Variants in FMN1 observed in about 807,000 individuals in gnomAD.
FMN1 encodes formin 1, also known as formin-1.
Under a neutral mutation model 132.4 loss-of-function variants are expected in FMN1, and 110 were observed. The observed-to-expected ratio is 0.83, with a 90% CI of 0.71 to 0.97. The LOEUF is 0.97. Ranked by LOEUF, FMN1 falls within the 50% of genes least tolerant of loss-of-function variation. The pLI is 0.00. For synonymous variants in FMN1, 722 were observed against 651.7 expected (o/e 1.11, Z -1.64); for missense variants, 1,792 against 1,705.3 (o/e 1.05, Z -0.90).
chr15:32,904,029 A>C (rs1334026287), intron 12 of FMN1, among the ~76,000 whole-genome samples: 1 of 152,254 alleles, frequency 6.6e-6, no homozygotes, highest in Non-Finnish European at 1.5e-5. Context: ...TCTGTCCTTT[A>C]GGAATGTATG....
chr15:32,813,236 G>A (rs1012942279), intron 17 of FMN1, among the ~76,000 whole-genome samples: 7 of 152,116 alleles, frequency 4.6e-5, no homozygotes, highest in Non-Finnish European at 1.0e-4. Flanking sequence ...AATCCTCCAC[G>A]GATACTGAGG....
chr15:33,109,095 G>T (rs1021901751), intron 4 of FMN1, among the ~76,000 whole-genome samples: 1 of 152,086 alleles, frequency 6.6e-6, no homozygotes, highest in Non-Finnish European at 1.5e-5. Context: ...CCAAAAGCAA[G>T]GAAGGCATAA....
intron 18 of FMN1, among the ~76,000 whole-genome samples, chr15:32,800,630 C>T (rs1052875826): frequency 1.3e-5 from 2 of 152,196 alleles, no homozygotes; most frequent in Non-Finnish European, 2.9e-5. Context: ...AAGGAATTTA[C>T]AGGATGACTT....
intron 17 of FMN1, among the ~76,000 whole-genome samples, chr15:32,854,641 A>C (rs60595307): frequency 2.0e-5 from 3 of 151,932 alleles, no homozygotes; most frequent in African/African-American, 7.3e-5. Context: ...GGCCGGGCAC[A>C]GTGGCTCACG....
chr15:33,074,277 A>G (rs1429630059), intron 5 of FMN1, among the ~76,000 whole-genome samples: 1 of 152,208 alleles, frequency 6.6e-6, no homozygotes, highest in Non-Finnish European at 1.5e-5. Context: ...TACCTAATTC[A>G]CAGGAATATA....
At chr15:33,062,867 A>T (rs996471597) in intron 6 of FMN1, 1 of 152,334 alleles carries the variant, frequency 6.6e-6, no homozygotes. Flanking sequence ...AATCCCTCAC[A>T]TTAAAATGAA....
At chr15:32,827,446 A>C (rs1027974963) in intron 17 of FMN1, among the ~76,000 whole-genome samples, 1 of 152,256 alleles carries the variant, frequency 6.6e-6, no homozygotes, top group East Asian at 1.9e-4. Flanking sequence ...GATGAAAATC[A>C]TAACATATAA....
chr15:32,849,227 G>A (rs1234488483), intron 17 of FMN1, among the ~76,000 whole-genome samples: 2 of 150,666 alleles, frequency 1.3e-5, no homozygotes, highest in African/African-American at 2.4e-5. Context: ...TCCTGACCTC[G>A]TGATCTGCCC....
intron 19 of FMN1, among the ~76,000 whole-genome samples, chr15:32,794,899 C>T (rs1300228242): frequency 6.6e-6 from 1 of 152,162 alleles, no homozygotes; most frequent in Non-Finnish European, 1.5e-5. Flanking sequence ...ACGTGATCTT[C>T]AAGAACAACA....
At chr15:32,921,733 G>A (rs1214992136) in intron 10 of FMN1, among the ~76,000 whole-genome samples, 10 of 148,866 alleles carry the variant, frequency 6.7e-5, no homozygotes, top group Admixed American at 5.4e-4. Flanking sequence ...CTGGAGTACA[G>A]TGGCGTGATC....
Position 32,968,808 on chromosome 15 carries a change from A to C in FMN1, c.2893T>G (p.Ser965Ala). Residue 965 changes from serine (S) to alanine (A), a missense_variant, in exon 8 of 21, where the codon TCT becomes GCT. Ser to Ala is a moderately conservative substitution (Grantham distance 99, BLOSUM62 1). Around this residue, in one of 3 missense-constraint regions of FMN1, gnomAD observed 1,150 missense variants for 1,043.1 expected, o/e 1.10. Coordinates refer to ENST00000616417, the MANE Select transcript of FMN1 (RefSeq NM_001277313.2). The part of the protein sequence containing the change: ...PPPGLFFGLG[S>A]SSSQCPRKPA... ...TTTCGAGGACATTGACTGGAAGAAG[A>C]GCCAAGTCCAAAGAAGAGTCCAGGG... 1 of 1,607,464 alleles carries C rather than the reference A, an allele frequency of 6.2e-7. No individual in the cohort carries two copies. The highest frequency in any genetic ancestry group is 8.5e-7 in the Non-Finnish European group (1 of 1,177,822).
chr15:33,188,109 C>A (rs1566972544), intron 2 of FMN1, among the ~76,000 whole-genome samples: 1 of 151,668 alleles, frequency 6.6e-6, no homozygotes, highest in Non-Finnish European at 1.5e-5. Context: ...CCGAGGCGGG[C>A]AGATCACAAG....
At chr15:33,000,550 G>A (rs373916898) in intron 7 of FMN1, among the ~76,000 whole-genome samples, 1 of 152,044 alleles carries the variant, frequency 6.6e-6, no homozygotes, top group East Asian at 1.9e-4. Flanking sequence ...AGAGGCTGAG[G>A]TGGGCAGATG....
intron 10 of FMN1, among the ~76,000 whole-genome samples, chr15:32,924,087 C>G (rs975830726): frequency 2.0e-5 from 3 of 152,192 alleles, no homozygotes; most frequent in Non-Finnish European, 2.9e-5. Context: ...TCCCTCTGCT[C>G]TAACATCACA....
rs201674042 is a variant in FMN1 at position 32,774,325 on chromosome 15, A to C, written c.4245T>G (p.Ser1415Arg). ...LKERLRQKEA[S>R]VTTN ...TGTCTTCATCTTAGTTAGTGGTCAC[A>C]CTGGCTTCCTTCTGACGCAGTCTTT... The change falls in exon 21 of 21, where the codon AGT (serine) becomes AGG (arginine). Residue 1415 changes from serine (S) to arginine (R), a missense_variant. Physicochemically the swap from Ser to Arg is moderately radical, Grantham distance 110 (BLOSUM62 -1). This residue lies in a region of FMN1 where 1,150 missense variants were observed against 1,043.1 expected (regional missense o/e 1.10). Transcript: ENST00000616417. The C allele has an allele frequency of 5.5e-5, 89 of 1,604,606 alleles. 1 individual carries two copies. The Admixed American group carries it at 1.5e-3, about 27-fold the overall frequency.
At chr15:33,151,081 G>C in intron 4 of FMN1, 1 of 1,318,892 alleles carries the variant, frequency 7.6e-7, no homozygotes. Context: ...GACTCACAGC[G>C]ACAGGAAAGG....
At chr15:33,088,167 C>A (rs765452536) in intron 5 of FMN1, among the ~76,000 whole-genome samples, 1 of 151,952 alleles carries the variant, frequency 6.6e-6, no homozygotes, top group Non-Finnish European at 1.5e-5. Context: ...AGAACTTATT[C>A]ATGTAACCAA....
intron 6 of FMN1, among the ~76,000 whole-genome samples, chr15:33,045,774 A>T (rs2141143536): frequency 6.6e-6 from 1 of 152,244 alleles, no homozygotes; most frequent in South Asian, 2.1e-4. Context: ...ATTCACAGGG[A>T]TTTTTGTGTT....
chr15:32,811,669 CTTTTT>C (rs61341012), intron 17 of FMN1, among the ~76,000 whole-genome samples: 1 of 145,246 alleles, frequency 6.9e-6, no homozygotes, highest in Non-Finnish European at 1.5e-5. Flanking sequence ...ATTTTATTTG[CTTTTT>C]TTTTTTTTGA....
Sources: gnomAD v4.1 joint callset for allele counts (sites outside exome capture counted in the v4.1 genomes callset) on GRCh38, gnomAD v4.1.1 for gene constraint, gnomAD v4.1.1 regional missense constraint, MANE v1.5 for transcripts, NCBI Gene and HGNC (gene_info 2026-07-23, HGNC 2026-07-21) for gene names.